CTNND2: variants seen among roughly 807,000 people sequenced by gnomAD.
The protein encoded by CTNND2 is catenin delta 2.
Under a neutral mutation model 144.4 loss-of-function variants are expected in CTNND2, and 22 were observed. The ratio of observed to expected loss-of-function variants is 0.15; its 90% confidence interval spans 0.11 to 0.22. The LOEUF is 0.22. CTNND2 is among the 10% of genes least tolerant of loss of function. CTNND2 has a pLI of 1.00. For synonymous variants in CTNND2, 751 were observed against 695.6 expected, an observed-to-expected ratio of 1.08 and a Z score of -1.25; for missense variants, 1,353 against 1,618.8, an observed-to-expected ratio of 0.84 and a Z score of 2.82.
chr5:11,225,794 TA>T (rs1259355972), intron 10 of CTNND2, among the ~76,000 whole-genome samples: 2 of 152,304 alleles, frequency 1.3e-5, no homozygotes, highest in South Asian at 4.1e-4. Flanking sequence ...ACAAAAGATA[TA>T]TTGAAACCCT....
intron 1 of CTNND2, among the ~76,000 whole-genome samples, chr5:11,878,101 A>G (rs1184529238): frequency 6.6e-6 from 1 of 152,206 alleles, no homozygotes; most frequent in African/African-American, 2.4e-5. Flanking sequence ...GTACACACAC[A>G]CAGACACACA....
chr5:11,641,034 T>A (rs1007486195), intron 2 of CTNND2, among the ~76,000 whole-genome samples: 2 of 152,146 alleles, frequency 1.3e-5, no homozygotes, highest in Admixed American at 6.5e-5. Context: ...CAGTGTTTAC[T>A]GTGAGACACA....
chr5:11,871,087 T>C (rs554020684), intron 1 of CTNND2, among the ~76,000 whole-genome samples: 1 of 152,322 alleles, frequency 6.6e-6, no homozygotes, highest in African/African-American at 2.4e-5. Context: ...GAGAGTTATC[T>C]AGGTCTTTCC....
chr5:11,805,660 A>C (rs1236515052), intron 1 of CTNND2, among the ~76,000 whole-genome samples: 1 of 152,042 alleles, frequency 6.6e-6, no homozygotes, highest in East Asian at 1.9e-4. Context: ...TAAAGTATAA[A>C]ATAAATATCC....
At chr5:11,508,338 G>GAGA (rs1771279196) in intron 3 of CTNND2, 1 of 152,158 alleles carries the variant, frequency 6.6e-6, no homozygotes, top group African/African-American at 2.4e-5. Flanking sequence ...TTCCCTTGCT[G>GAGA]TTCTGATGAT....
At chr5:11,884,026 T>C (rs1371694623) in intron 1 of CTNND2, among the ~76,000 whole-genome samples, 1 of 152,192 alleles carries the variant, frequency 6.6e-6, no homozygotes, top group Non-Finnish European at 1.5e-5. Flanking sequence ...TTGATGGGGT[T>C]GTTTTTTTCT....
At chr5:10,987,347 A>G (rs376087955) in intron 20 of CTNND2, among the ~76,000 whole-genome samples, 18 of 152,278 alleles carry the variant, frequency 1.2e-4, no homozygotes, top group African/African-American at 4.1e-4. Context: ...CTGTTATCAG[A>G]TGGGCTGGGC....
chr5:11,634,462 G>A (rs551421043), intron 2 of CTNND2, among the ~76,000 whole-genome samples: 6 of 152,240 alleles, frequency 3.9e-5, no homozygotes, highest in South Asian at 2.1e-4. Context: ...TCTCAATCCC[G>A]TGCACGATTT....
chr5:11,781,959 C>T (rs1790562534), intron 1 of CTNND2, among the ~76,000 whole-genome samples: 1 of 152,186 alleles, frequency 6.6e-6, no homozygotes, highest in Admixed American at 6.5e-5. Context: ...ACCCAAATCT[C>T]ATCTTGGATT....
intron 1 of CTNND2, among the ~76,000 whole-genome samples, chr5:11,736,379 C>A (rs116640443): frequency 6.6e-6 from 1 of 152,200 alleles, no homozygotes; most frequent in African/African-American, 2.4e-5. Flanking sequence ...ATCTTCAAGG[C>A]TTATTCCACC....
chr5:11,677,520 G>A (rs1173946272), intron 2 of CTNND2, among the ~76,000 whole-genome samples: 6 of 152,140 alleles, frequency 3.9e-5, no homozygotes, highest in South Asian at 2.1e-4. Flanking sequence ...CTACTATAGC[G>A]ATTATGATTC....
At chr5:11,664,113 G>A (rs1181994291) in intron 2 of CTNND2, among the ~76,000 whole-genome samples, 1 of 152,084 alleles carries the variant, frequency 6.6e-6, no homozygotes, top group East Asian at 1.9e-4. Flanking sequence ...AGCTGCTAAT[G>A]AAAATGTTAT....
chr5:11,001,581 A>G (rs1348112340), intron 18 of CTNND2, among the ~76,000 whole-genome samples: 1 of 152,204 alleles, frequency 6.6e-6, no homozygotes, highest in Non-Finnish European at 1.5e-5. Flanking sequence ...TTTTATAGCT[A>G]GCATCCACGG....
At chr5:11,097,318 C>T (rs1751450903) in intron 15 of CTNND2, among the ~76,000 whole-genome samples, 1 of 152,186 alleles carries the variant, frequency 6.6e-6, no homozygotes, top group South Asian at 2.1e-4. Context: ...CTACCTGGTG[C>T]AACTCTGCTT....
intron 1 of CTNND2, among the ~76,000 whole-genome samples, chr5:11,828,816 A>G (rs1003493778): frequency 9.2e-5 from 14 of 152,174 alleles, no homozygotes; most frequent in African/African-American, 3.4e-4. Context: ...AAACAGGTAG[A>G]GGTTGGAACA....
At chr5:11,723,426 T>C (rs76346594) in intron 2 of CTNND2, among the ~76,000 whole-genome samples, 1,698 of 152,224 alleles carry the variant, frequency 0.011, 35 homozygotes, top group African/African-American at 0.038. Context: ...GGGCACATTC[T>C]GAAGCGATAT....
At chr5:11,596,175 A>C (rs185572931) in intron 2 of CTNND2, among the ~76,000 whole-genome samples, 2 of 152,328 alleles carry the variant, frequency 1.3e-5, no homozygotes, top group East Asian at 1.9e-4. Context: ...CCTCAGGCAT[A>C]AATTTAAGGC....
chr5:11,825,313 C>A (rs986575031), intron 1 of CTNND2, among the ~76,000 whole-genome samples: 2 of 152,002 alleles, frequency 1.3e-5, no homozygotes, highest in Non-Finnish European at 2.9e-5. Flanking sequence ...AAAAACACAA[C>A]AACAGAGCTG....
At chr5:11,548,633 T>G (rs1775470958) in intron 3 of CTNND2, among the ~76,000 whole-genome samples, 1 of 152,192 alleles carries the variant, frequency 6.6e-6, no homozygotes, top group Non-Finnish European at 1.5e-5. Flanking sequence ...CAGAGCTATA[T>G]TTGGTTTTGT....
Sources: allele counts gnomAD v4.1 joint callset (sites outside exome capture counted in the v4.1 genomes callset), GRCh38; gene constraint gnomAD v4.1.1; transcripts MANE v1.5; gene names NCBI Gene and HGNC (gene_info 2026-07-23, HGNC 2026-07-21).